Variants in CDKAL1 observed in about 807,000 individuals in gnomAD.
CDKAL1 encodes CDKAL1 threonylcarbamoyladenosine tRNA methylthiotransferase.
A neutral mutation model predicts 68.2 loss-of-function variants in CDKAL1; 32 were observed. The ratio of observed to expected loss-of-function variants is 0.47; its 90% CI spans 0.35 to 0.63. The LOEUF (loss-of-function observed/expected upper bound fraction) is 0.63, where lower values mean the gene tolerates loss of function less well. Among genes scored for constraint, CDKAL1 ranks in the 30% least tolerant of loss-of-function variants. The pLI, the probability that CDKAL1 is intolerant of heterozygous loss-of-function variation, is 0.00. For synonymous variants in CDKAL1, 234 were observed against 244.3 expected (o/e 0.96, Z 0.39); for missense variants, 606 against 696.7 (o/e 0.87, Z 1.47).
At chr6:20,819,675 C>G (rs552621908) in intron 8 of CDKAL1, among the ~76,000 whole-genome samples, 4 of 152,070 alleles carry the variant, frequency 2.6e-5, no homozygotes, top group Non-Finnish European at 4.4e-5. Flanking sequence ...GGTCATTAAA[C>G]AAATGGGGTG....
At chr6:20,908,526 G>T (rs1226418070) in intron 9 of CDKAL1, among the ~76,000 whole-genome samples, 1 of 152,122 alleles carries the variant, frequency 6.6e-6, no homozygotes, top group Admixed American at 6.5e-5. Context: ...AAAAGCAGTT[G>T]TGTCATAAAC....
intron 11 of CDKAL1, among the ~76,000 whole-genome samples, chr6:21,060,289 T>G (rs1424197534): frequency 1.3e-5 from 2 of 152,178 alleles, no homozygotes; most frequent in Non-Finnish European, 2.9e-5. Context: ...TTTATATCTT[T>G]CAAAGAATTT....
chr6:20,644,677 AC>A lies in CDKAL1; in HGVS notation c.287-4615del, dbSNP rs572473974. ...AGCGAGACTCCGTCTCAAAACAAAAACAAAAACAAAAACACAACAAAAAAAA... is the reference window on the plus strand; with the variant it reads ...AGCGAGACTCCGTCTCAAAACAAAAAAAAAACAAAAACACAACAAAAAAAA... On this transcript the variant is annotated intron_variant, in intron 4 of 15. Transcript: ENST00000274695. Among the ~76,000 whole-genome samples the A allele has an allele frequency of 8.9e-4, 130 of 146,382 alleles. 2 individuals carry two copies. The South Asian group carries it at 0.013, about 14-fold the overall frequency.
intron 8 of CDKAL1, among the ~76,000 whole-genome samples, chr6:20,785,846 G>A (rs1327748930): frequency 6.6e-6 from 1 of 152,104 alleles, no homozygotes; most frequent in East Asian, 1.9e-4. Context: ...TTTATTGTAT[G>A]TATTAGTAAA....
In CDKAL1 at chr6:20,540,562, T is replaced by C. The variant is rs546083692; in HGVS notation, c.-6+5168T>C. Among the ~76,000 whole-genome samples, 381 of 152,126 alleles carry C rather than the reference T, an allele frequency of 2.5e-3. 1 individual carries two copies. Among genetic ancestry groups the C allele is most frequent in the African/African-American group, 8.8e-3 (366 of 41,500 alleles). On this transcript the variant is annotated intron_variant, in intron 2 of 15. Coordinates refer to ENST00000274695, the MANE Select transcript of CDKAL1 (RefSeq NM_017774.3). Reference sequence around the variant, plus strand: ...CCTCTGCCTCCTGGGTTCAAGCGGTTCTTCTGTTTCAGTCTCCCGAGTAGG... The same window carrying C: ...CCTCTGCCTCCTGGGTTCAAGCGGTCCTTCTGTTTCAGTCTCCCGAGTAGG...
At chr6:20,987,748 T>C (rs1012479346) in intron 10 of CDKAL1, among the ~76,000 whole-genome samples, 34 of 152,140 alleles carry the variant, frequency 2.2e-4, no homozygotes, top group African/African-American at 7.7e-4. Flanking sequence ...AATCCAGTTA[T>C]TCCACTTACT....
intron 5 of CDKAL1, among the ~76,000 whole-genome samples, chr6:20,731,989 C>A (rs1170367436): frequency 6.6e-6 from 1 of 152,082 alleles, no homozygotes; most frequent in Non-Finnish European, 1.5e-5. Flanking sequence ...CCTGTAGCAG[C>A]CAGCCTGGTA....
chr6:21,128,118 T>C (rs533479040), intron 13 of CDKAL1, among the ~76,000 whole-genome samples: 3 of 152,320 alleles, frequency 2.0e-5, no homozygotes, highest in South Asian at 4.1e-4. Flanking sequence ...GGGAAAGCAA[T>C]ACATGTTCAG....
chr6:20,679,232 A>C (rs1317987677), intron 5 of CDKAL1, among the ~76,000 whole-genome samples: 1 of 152,210 alleles, frequency 6.6e-6, no homozygotes, highest in East Asian at 1.9e-4. Flanking sequence ...TGCCTGTTTA[A>C]ACATTTACCA....
At chr6:20,972,137 C>T (rs1420724313) in intron 10 of CDKAL1, among the ~76,000 whole-genome samples, 1 of 152,158 alleles carries the variant, frequency 6.6e-6, no homozygotes, top group Non-Finnish European at 1.5e-5. Flanking sequence ...GATAGAATGG[C>T]CTTCCTCACT....
chr6:21,034,452 A>G (rs1412834780), intron 11 of CDKAL1, among the ~76,000 whole-genome samples: 1 of 152,250 alleles, frequency 6.6e-6, no homozygotes, highest in Non-Finnish European at 1.5e-5. Context: ...TTTATGAAAT[A>G]AAAATTAATG....
chr6:20,587,109 C>T (rs1229615266), intron 4 of CDKAL1, among the ~76,000 whole-genome samples: 4 of 151,506 alleles, frequency 2.6e-5, no homozygotes, highest in Non-Finnish European at 4.4e-5. Context: ...GCCCCAGCCT[C>T]CTGAGTAGCT....
At chr6:20,565,744 G>A (rs1764436968) in intron 4 of CDKAL1, among the ~76,000 whole-genome samples, 1 of 151,968 alleles carries the variant, frequency 6.6e-6, no homozygotes, top group Non-Finnish European at 1.5e-5. Flanking sequence ...GCTATGAGTA[G>A]CATAAAAAAT....
intron 5 of CDKAL1, among the ~76,000 whole-genome samples, chr6:20,724,817 A>G (rs933388950): frequency 6.6e-6 from 1 of 152,222 alleles, no homozygotes; most frequent in African/African-American, 2.4e-5. Flanking sequence ...AAGCCCAAGT[A>G]TGCATTTTCC....
intron 5 of CDKAL1, among the ~76,000 whole-genome samples, chr6:20,676,391 G>A (rs1322461031): frequency 1.3e-5 from 2 of 152,046 alleles, no homozygotes; most frequent in Admixed American, 6.6e-5. Flanking sequence ...AAAGTCGGCC[G>A]GCACAATGGC....
chr6:20,967,159 T>C (rs367957754), intron 10 of CDKAL1, among the ~76,000 whole-genome samples: 1 of 152,300 alleles, frequency 6.6e-6, no homozygotes, highest in African/African-American at 2.4e-5. Flanking sequence ...ACACCAGTCA[T>C]TGGATTAGGG....
chr6:20,585,261 C>T (rs945340297), intron 4 of CDKAL1, among the ~76,000 whole-genome samples: 2 of 152,006 alleles, frequency 1.3e-5, no homozygotes, highest in African/African-American at 4.8e-5. Flanking sequence ...ACCGTGTTAG[C>T]CAGGATGGTC....
intron 11 of CDKAL1, among the ~76,000 whole-genome samples, chr6:21,032,959 G>A (rs917387309): frequency 5.3e-5 from 8 of 152,144 alleles, no homozygotes; most frequent in Admixed American, 3.9e-4. Flanking sequence ...TATCACTTTA[G>A]AGTTATGATG....
chr6:21,028,824 C>A (rs1450654779), intron 11 of CDKAL1, among the ~76,000 whole-genome samples: 1 of 152,114 alleles, frequency 6.6e-6, no homozygotes, highest in Non-Finnish European at 1.5e-5. Context: ...GACCTTATAA[C>A]CTGAATGTTC....
Sources: allele counts gnomAD v4.1 joint callset (sites outside exome capture counted in the v4.1 genomes callset), GRCh38; gene constraint gnomAD v4.1.1; transcripts MANE v1.5; gene names NCBI Gene and HGNC (gene_info 2026-07-23, HGNC 2026-07-21).